CACHD1: variants seen among roughly 807,000 people sequenced by gnomAD.
CACHD1 encodes the protein cache domain containing 1.
CACHD1 carries 71 observed loss-of-function variants against 138.7 expected under a neutral mutation model. The ratio of observed to expected loss-of-function variants is 0.51; its 90% CI spans 0.42 to 0.62. The LOEUF is 0.62. CACHD1 is among the 20% of genes least tolerant of loss of function. The pLI is 0.00. For missense variants in CACHD1, 1,389 were observed against 1,625.3 expected (o/e 0.85, Z 2.50); for synonymous variants, 578 against 591.5 (o/e 0.98, Z 0.33).
rs1275900128 is a variant in CACHD1, at chr1:64,641,738, T to A, written c.1007-82T>A. 3 of 1,112,150 alleles carry A rather than the reference T, an allele frequency of 2.7e-6. No individual in the cohort carries two copies. The East Asian group carries it at 8.2e-5, about 31-fold the overall frequency. The allele number at this position is 1,112,150 out of a possible 1,614,324, so 68.9% of individuals were successfully genotyped here. A position where few individuals can be genotyped will look rare whatever the true frequency, so the allele number is the denominator to read the frequency against. ...TAGGCAAGTCCTCGAGGTGGGGAAG[T>A]CCAAGGACATGAACAGGAAACTGAA... is the stretch of plus-strand genomic sequence containing the variant. On this transcript the variant is annotated intron_variant, in intron 7 of 26. Transcript: ENST00000651257.
chr1:64,668,346 A>G (rs898514045), intron 16 of CACHD1, among the ~76,000 whole-genome samples: 12 of 149,378 alleles, frequency 8.0e-5, no homozygotes, highest in Admixed American at 3.3e-4. Context: ...AAAAAAGAAA[A>G]AGAAAAAAAG....
At position 64,664,600 on chromosome 1, in the gene CACHD1, A is replaced by G. The variant is rs750064669; in HGVS notation, c.2197A>G (p.Ile733Val). The G allele has an allele frequency of 5.5e-5, 88 of 1,614,116 alleles. No individual in the cohort carries two copies. The highest frequency in any genetic ancestry group is 6.2e-5 in the Non-Finnish European group (73 of 1,180,046). The change falls in exon 15 of 27, where the codon ATA becomes GTA. Residue 733 changes from isoleucine (I) to valine (V), a missense_variant. Coordinates refer to ENST00000651257, the MANE Select transcript of CACHD1 (RefSeq NM_020925.4). ...SLNTYIVRRY[I>V]ATPNGVLRIY... The stretch of plus-strand genomic sequence containing the variant: ...GAACACTTACATTGTCCGCCGTTAC[A>G]TAGCAACACCCAATGGCGTCCTCAG...
At chr1:64,582,122 C>A (rs1339692367) in intron 2 of CACHD1, 34 bp from the exon 3 acceptor site, 1 of 1,609,382 alleles carries the variant, frequency 6.2e-7, no homozygotes, top group South Asian at 1.1e-5. Flanking sequence ...TTGTCTTGGA[C>A]TTTCGATTTA....
In CACHD1 at chr1:64,537,675, AG is replaced by A. The variant is rs1172568007; in HGVS notation, c.199-12917del. 4.6e-5 allele frequency among the ~76,000 whole-genome samples: 7 copies of A among 152,364 alleles called. No individual in the cohort carries two copies. The East Asian group carries it at 1.3e-3, about 29-fold the overall frequency. ...GTTCCTATCATTAGGAATGGGACCC[AG>A]GTAGTCCCAAATGACATTATTTCTA... On this transcript the variant is annotated intron_variant, in intron 1 of 26. Coordinates refer to ENST00000651257, the MANE Select transcript of CACHD1 (RefSeq NM_020925.4).
intron 1 of CACHD1, among the ~76,000 whole-genome samples, chr1:64,540,377 C>G (rs1172774345): frequency 6.6e-6 from 1 of 151,998 alleles, no homozygotes; most frequent in African/African-American, 2.4e-5. Context: ...AAATTTGGCA[C>G]CATCTGCAAA....
intron 4 of CACHD1, among the ~76,000 whole-genome samples, 168 bp downstream of exon 4, chr1:64,603,080 G>A (rs10158570): frequency 0.28 from 37,680 of 134,870 alleles, 6,113 homozygotes; most frequent in African/African-American, 0.47. Flanking sequence ...AGAGGAAGAA[G>A]AAAAAATCAA....
At chr1:64,678,093 C>T in intron 22 of CACHD1, 66 bp from the exon 23 acceptor site, 1 of 1,517,938 alleles carries the variant, frequency 6.6e-7, no homozygotes, top group Non-Finnish European at 8.9e-7. Flanking sequence ...GTCTGATGCC[C>T]ACACTTAAGT....
At chr1:64,617,571 A>C (rs1400433594) in intron 4 of CACHD1, among the ~76,000 whole-genome samples, 3 of 152,206 alleles carry the variant, frequency 2.0e-5, no homozygotes, top group African/African-American at 7.2e-5. Flanking sequence ...CCTTAGTCTT[A>C]GACTAAAATA....
intron 1 of CACHD1, 126 bp from the exon 2 acceptor site, chr1:64,550,468 T>C: frequency 1.6e-6 from 1 of 644,932 alleles, no homozygotes; most frequent in Non-Finnish European, 2.7e-6. Flanking sequence ...TCTGTAAAAT[T>C]ACTGCATTTT....
intron 1 of CACHD1, among the ~76,000 whole-genome samples, chr1:64,492,061 A>G (rs375549085): frequency 2.0e-4 from 30 of 152,026 alleles, no homozygotes; most frequent in African/African-American, 7.0e-4. Context: ...TTGACAAAAG[A>G]TGGTTTGAAA....
chr1:64,665,291 C>CAA (rs145298751), intron 15 of CACHD1, among the ~76,000 whole-genome samples: 1 of 141,594 alleles, frequency 7.1e-6, no homozygotes, highest in African/African-American at 2.6e-5. Context: ...CCCATCTCTA[C>CAA]AAAAAAAAAA....
chr1:64,572,630 C>T (rs575005968), intron 2 of CACHD1, among the ~76,000 whole-genome samples: 2 of 152,264 alleles, frequency 1.3e-5, no homozygotes, highest in Non-Finnish European at 2.9e-5. Flanking sequence ...CTGCTGGTCT[C>T]AACTGTTTCC....
In CACHD1 at chr1:64,561,874, A is replaced by AAG. The variant is rs1553133309; in HGVS notation, c.261+11219_261+11220dup. Reference sequence around the variant, plus strand: ...CACTGTCTCCAAAAAAAAAAAAAAAAAGTTTCTATTTTGCCTTTTTTCTTA... The same window carrying AAG: ...CACTGTCTCCAAAAAAAAAAAAAAAAAGAGTTTCTATTTTGCCTTTTTTCTTA... On this transcript the variant is annotated intron_variant, in intron 2 of 26. Transcript: ENST00000651257. Among the ~76,000 whole-genome samples the AAG allele has an allele frequency of 7.3e-3, 1,111 of 151,236 alleles. 17 individuals carry two copies. The highest frequency in any genetic ancestry group is 0.026 in the African/African-American group (1,075 of 40,980).
chr1:64,519,695 T>TGATGTTTTAGTTAGTCTTATGACGAGCAC (rs11271233), intron 1 of CACHD1, among the ~76,000 whole-genome samples: 104,275 of 150,202 alleles, frequency 0.69, 40,444 homozygotes, highest in Non-Finnish European at 0.85. Context: ...CCAAAAAACT[T>TGATGTTTTAGTTAGTCTTATGACGAGCAC]GATGTTTTAG....
chr1:64,670,684 C>T (rs1649783335), intron 16 of CACHD1, among the ~76,000 whole-genome samples: 1 of 152,212 alleles, frequency 6.6e-6, no homozygotes, highest in Non-Finnish European at 1.5e-5. Context: ...GAGGGCTCAA[C>T]TTCACTGTTT....
intron 2 of CACHD1, 31 bp from the exon 3 acceptor site, chr1:64,582,125 T>C: frequency 6.2e-7 from 1 of 1,610,324 alleles, no homozygotes; most frequent in Non-Finnish European, 8.5e-7. Context: ...TCTTGGACTT[T>C]CGATTTATTT....
chr1:64,686,167 G>A (rs997103950), intron 26 of CACHD1, among the ~76,000 whole-genome samples: 19 of 152,182 alleles, frequency 1.2e-4, no homozygotes, highest in Non-Finnish European at 2.8e-4. Flanking sequence ...GGATTGTGGC[G>A]TCATGATTCT....
rs1557464356 is a variant in CACHD1 at position 64,502,596 on chromosome 1, GTA to G, written c.198+31655_198+31656del. On this transcript the variant is annotated intron_variant, in intron 1 of 26. Coordinates refer to ENST00000651257, the MANE Select transcript of CACHD1 (RefSeq NM_020925.4). ...CATGTGTGTTGTTTTCAGATAATAG[GTA>G]CAGCATAAAATCTTTTTAGATTATA... is the stretch of plus-strand genomic sequence containing the variant. 2.4e-4 allele frequency among the ~76,000 whole-genome samples: 36 copies of G among 151,958 alleles called. 1 individual carries two copies. The highest frequency in any genetic ancestry group is 6.5e-5 in the Admixed American group (1 of 15,276).
intron 3 of CACHD1, among the ~76,000 whole-genome samples, chr1:64,592,075 A>T (rs1246608614): frequency 6.6e-6 from 1 of 152,220 alleles, no homozygotes; most frequent in East Asian, 1.9e-4. Flanking sequence ...GAAATTGAAC[A>T]ATATTATTAA....
Sources: allele counts gnomAD v4.1 joint callset (sites outside exome capture counted in the v4.1 genomes callset), GRCh38; gene constraint gnomAD v4.1.1; transcripts MANE v1.5; gene names NCBI Gene and HGNC (gene_info 2026-07-23, HGNC 2026-07-21).